The following DIP2B variants were observed in gnomAD, a reference collection of about 807,000 sequenced individuals.
The protein encoded by DIP2B is disco-interacting protein 2 homolog B.
DIP2B carries 76 observed loss-of-function variants against 198.0 expected under a neutral mutation model. The ratio of observed to expected loss-of-function variants is 0.38; its 90% CI spans 0.32 to 0.46. DIP2B has a LOEUF of 0.46. Among genes scored for constraint, DIP2B ranks in the 20% least tolerant of loss-of-function variants. The pLI is 0.99. For synonymous variants in DIP2B, 701 were observed against 739.1 expected (o/e 0.95, Z 0.84); for missense variants, 1,559 against 1,978.4 (o/e 0.79, Z 4.02).
chr12:50,728,751 C>A, intron 30 of DIP2B, 73 bp downstream of exon 30: 5 of 1,536,974 alleles, frequency 3.3e-6, no homozygotes, highest in South Asian at 2.6e-5. Flanking sequence ...TCATCCTTCC[C>A]TTTGCTCCCT....
At chr12:50,553,021 A>G (rs1459309917) in intron 1 of DIP2B, among the ~76,000 whole-genome samples, 2 of 152,174 alleles carry the variant, frequency 1.3e-5, no homozygotes, top group Middle Eastern at 3.4e-3. Context: ...TTCTTATTAG[A>G]GACGGGGTTT....
chr12:50,727,189 A>G (rs1463758374), intron 28 of DIP2B, among the ~76,000 whole-genome samples: 1 of 152,230 alleles, frequency 6.6e-6, no homozygotes, highest in Non-Finnish European at 1.5e-5. Flanking sequence ...CATGATTAAT[A>G]TAACACATAC....
intron 1 of DIP2B, among the ~76,000 whole-genome samples, chr12:50,589,742 T>C (rs1593634198): frequency 6.6e-6 from 1 of 152,044 alleles, no homozygotes; most frequent in African/African-American, 2.4e-5. Context: ...TAATGATTGC[T>C]CTTGGGGGCC....
chr12:50,552,510 C>T (rs1209077770), intron 1 of DIP2B, among the ~76,000 whole-genome samples: 1 of 152,070 alleles, frequency 6.6e-6, no homozygotes, highest in Admixed American at 6.6e-5. Flanking sequence ...TCGTGATCCA[C>T]CCGCCTCGGC....
rs557094798 is a variant in DIP2B, at chr12:50,690,117, C to G, written c.1552-932C>G. 2.0e-5 allele frequency among the ~76,000 whole-genome samples: 3 copies of G among 148,526 alleles called. No homozygotes were observed. In the South Asian group the frequency reaches 6.4e-4, roughly 32 times the overall value. On this transcript the variant is annotated intron_variant, in intron 12 of 37. Coordinates refer to ENST00000301180, the MANE Select transcript of DIP2B (RefSeq NM_173602.3). Reference sequence around the variant, plus strand: ...TTTTTTTTTTTTTGAGACGGAGTCTCGCTCTGTTGCCCAGGCTGGAGTGCA... The same window carrying G: ...TTTTTTTTTTTTTGAGACGGAGTCTGGCTCTGTTGCCCAGGCTGGAGTGCA...
chr12:50,654,274 C>T (rs1345016033), intron 3 of DIP2B, among the ~76,000 whole-genome samples: 3 of 151,624 alleles, frequency 2.0e-5, no homozygotes, highest in Admixed American at 6.6e-5. Flanking sequence ...TTTTAAAAAC[C>T]CATCTTTTGC....
intron 3 of DIP2B, among the ~76,000 whole-genome samples, chr12:50,647,691 CCTAT>C (rs1938374832): frequency 6.6e-6 from 1 of 152,190 alleles, no homozygotes; most frequent in Non-Finnish European, 1.5e-5. Context: ...TCACTCTGTC[CCTAT>C]CTGTCTGTCT....
chr12:50,574,576 A>G (rs1315620273), intron 1 of DIP2B, among the ~76,000 whole-genome samples: 1 of 152,198 alleles, frequency 6.6e-6, no homozygotes, highest in Non-Finnish European at 1.5e-5. Flanking sequence ...CAGACTATTT[A>G]TCCCAAATTT....
chr12:50,731,631 T>C, intron 31 of DIP2B, 94 bp downstream of exon 31: 2 of 1,409,158 alleles, frequency 1.4e-6, no homozygotes, highest in Non-Finnish European at 1.9e-6. Flanking sequence ...AACAGACATG[T>C]TTGCTTGCCT....
intron 1 of DIP2B, among the ~76,000 whole-genome samples, chr12:50,516,547 C>G (rs1958067111): frequency 6.6e-6 from 1 of 152,096 alleles, no homozygotes; most frequent in South Asian, 2.1e-4. Context: ...AGCCACTGTG[C>G]CTGGACCCCA....
chr12:50,691,767 G>A lies in DIP2B; in HGVS notation c.1654+616G>A, dbSNP rs547582751. The stretch of plus-strand genomic sequence containing the variant: ...ATGCCCTTAAATAAGGATTGATTAA[G>A]TTATAATACATTCAGACCAGGCGCT... On this transcript the variant is annotated intron_variant, in intron 13 of 37. Transcript: ENST00000301180. Among the ~76,000 whole-genome samples the A allele has an allele frequency of 5.3e-5, 8 of 151,620 alleles. No homozygotes were observed. The South Asian group carries it at 6.2e-4, about 12-fold the overall frequency.
intron 1 of DIP2B, among the ~76,000 whole-genome samples, chr12:50,607,277 C>G (rs1958990178): frequency 6.6e-6 from 1 of 152,056 alleles, no homozygotes; most frequent in South Asian, 2.1e-4. Context: ...CAGATTTCCC[C>G]ATTTTACAGA....
At chr12:50,724,960 C>A in intron 28 of DIP2B, 74 bp downstream of exon 28, 3 of 1,445,774 alleles carry the variant, frequency 2.1e-6, no homozygotes, top group Non-Finnish European at 2.9e-6. Flanking sequence ...CATTCTCATG[C>A]CAGACGTGTT....
At chr12:50,553,688 C>G (rs1020379822) in intron 1 of DIP2B, among the ~76,000 whole-genome samples, 5 of 152,192 alleles carry the variant, frequency 3.3e-5, no homozygotes, top group African/African-American at 1.2e-4. Flanking sequence ...GGTTCTCACT[C>G]TGTCACCCAG....
At position 50,695,872 on chromosome 12, in the gene DIP2B, G is replaced by A. The variant is rs1048193223; in HGVS notation, c.1838G>A (p.Arg613Gln). The A allele has an allele frequency of 1.2e-6, 2 of 1,613,946 alleles. No homozygotes were observed. The highest frequency in any genetic ancestry group is 2.2e-5 in the South Asian group (2 of 91,072). ...GCCAAGGTAGCTTTAGTAAAATGTC[G>A]GGACTTGCACTGGGCTATGATGGCA... ...HKAKVALVKC[R>Q]DLHWAMMAHR... Residue 613 changes from arginine to glutamine, a missense_variant, in exon 16 of 38, where the codon CGG (arginine) becomes CAG (glutamine). Coordinates refer to ENST00000301180, the MANE Select transcript of DIP2B (RefSeq NM_173602.3).
In DIP2B at chr12:50,522,544, A is replaced by T. The variant is rs969748160; in HGVS notation, c.100+17304A>T. Among the ~76,000 whole-genome samples the T allele has an allele frequency of 2.6e-5, 4 of 152,266 alleles. No homozygotes were observed. The East Asian group carries it at 7.7e-4, about 29-fold the overall frequency. ...GATGCATCTTTGGGGTATGGGGGAA[A>T]CTAGAGTACCTGGAGAAAACCTACA... On this transcript the variant is annotated intron_variant, in intron 1 of 37. Transcript: ENST00000301180.
intron 1 of DIP2B, among the ~76,000 whole-genome samples, chr12:50,564,509 A>C (rs756065644): frequency 3.3e-5 from 5 of 152,162 alleles, no homozygotes; most frequent in Non-Finnish European, 5.9e-5. Context: ...ATTGTTGTCT[A>C]TCTGATGGGG....
intron 1 of DIP2B, among the ~76,000 whole-genome samples, chr12:50,527,423 A>G (rs1394964782): frequency 6.6e-6 from 1 of 152,266 alleles, no homozygotes; most frequent in South Asian, 2.1e-4. Context: ...GAAAATAACA[A>G]AAATCTTATT....
chr12:50,670,732 T>C (rs1938838258), intron 4 of DIP2B, among the ~76,000 whole-genome samples: 2 of 152,166 alleles, frequency 1.3e-5, no homozygotes, highest in Admixed American at 1.3e-4. Flanking sequence ...CATACGTTTT[T>C]AGCAAGAATT....
Sources: allele counts gnomAD v4.1 joint callset (sites outside exome capture counted in the v4.1 genomes callset), GRCh38; gene constraint gnomAD v4.1.1; transcripts MANE v1.5; gene names NCBI Gene and HGNC (gene_info 2026-07-23, HGNC 2026-07-21).